Variants in GAREM1 observed in about 807,000 individuals in gnomAD.
GAREM1 encodes the protein GRB2-associated and regulator of MAPK protein 1.
GAREM1 carries 26 observed loss-of-function variants against 71.3 expected under a neutral mutation model. That is an observed-to-expected ratio of 0.36 (90% CI 0.27 to 0.51). The LOEUF is 0.51. Among genes scored for constraint, GAREM1 ranks in the 20% least tolerant of loss-of-function variants. The pLI, the probability that GAREM1 is intolerant of heterozygous loss-of-function variation, is 0.95. For synonymous variants in GAREM1, 440 were observed against 433.2 expected (o/e 1.02, Z -0.20); for missense variants, 1,026 against 1,103.1 (o/e 0.93, Z 0.99).
rs1018620473 is a variant in GAREM1, at chr18:32,447,976, C to T, written c.121+22332G>A. Among the ~76,000 whole-genome samples the T allele has an allele frequency of 1.7e-4, 26 of 152,268 alleles. 1 individual carries two copies. The highest frequency in any genetic ancestry group is 1.2e-3 in the Admixed American group (19 of 15,284). On this transcript the variant is annotated intron_variant, in intron 1 of 5. Transcript: ENST00000269209. ...ATTCAGTTGGCATTGGCTAAGTATA[C>T]TGTGAGAGAGTACTGAAGAACCTGG...
chr18:32,464,067 G>C (rs952058485), intron 1 of GAREM1, among the ~76,000 whole-genome samples: 2 of 150,100 alleles, frequency 1.3e-5, no homozygotes, highest in African/African-American at 4.9e-5. Context: ...GCAGGCAGAT[G>C]ATCATTTGAG....
chr18:32,320,978 G>C (rs2047422841), intron 2 of GAREM1, among the ~76,000 whole-genome samples: 1 of 152,078 alleles, frequency 6.6e-6, no homozygotes, highest in Non-Finnish European at 1.5e-5. Context: ...TCTTAGTCCA[G>C]AGCACTCACT....
intron 2 of GAREM1, among the ~76,000 whole-genome samples, chr18:32,325,008 A>C (rs1341884600): frequency 6.6e-6 from 1 of 152,212 alleles, no homozygotes; most frequent in Non-Finnish European, 1.5e-5. Context: ...GCTGGAGTGC[A>C]GTGGTGCGAT....
intron 1 of GAREM1, among the ~76,000 whole-genome samples, chr18:32,436,299 G>A (rs2048677638): frequency 6.6e-6 from 1 of 152,146 alleles, no homozygotes; most frequent in African/African-American, 2.4e-5. Flanking sequence ...AAGTTAAAGG[G>A]AAACAGGCAG....
intron 2 of GAREM1, among the ~76,000 whole-genome samples, chr18:32,354,141 G>A (rs560200516): frequency 6.6e-6 from 1 of 152,280 alleles, no homozygotes; most frequent in Admixed American, 6.5e-5. Context: ...ACCAGAGGTT[G>A]TGGTTTATCT....
At chr18:32,272,919 C>T (rs886229071) in intron 4 of GAREM1, among the ~76,000 whole-genome samples, 8 of 152,192 alleles carry the variant, frequency 5.3e-5, no homozygotes, top group South Asian at 4.1e-4. Flanking sequence ...ACCAGGATGC[C>T]GGAGCTCAGG....
intron 1 of GAREM1, among the ~76,000 whole-genome samples, chr18:32,407,213 A>G (rs28500590): frequency 0.13 from 20,343 of 152,182 alleles, 1,574 homozygotes; most frequent in African/African-American, 0.21. Context: ...AAACAACCAC[A>G]ATAGAGAACA....
chr18:32,379,328 T>C (rs1034266817), intron 2 of GAREM1, among the ~76,000 whole-genome samples: 1 of 151,752 alleles, frequency 6.6e-6, no homozygotes, highest in Non-Finnish European at 1.5e-5. Context: ...TCCACGGACC[T>C]GCAGCAACAA....
At chr18:32,447,941 A>G (rs1477152940) in intron 1 of GAREM1, among the ~76,000 whole-genome samples, 1 of 152,218 alleles carries the variant, frequency 6.6e-6, no homozygotes, top group Non-Finnish European at 1.5e-5. Flanking sequence ...CATGTGTGTT[A>G]TATCCAATAA....
At chr18:32,357,791 G>T (rs1002181718) in intron 2 of GAREM1, among the ~76,000 whole-genome samples, 1 of 152,130 alleles carries the variant, frequency 6.6e-6, no homozygotes, top group Non-Finnish European at 1.5e-5. Flanking sequence ...TAGCTATACA[G>T]CTATCTCTGG....
chr18:32,341,860 T>C (rs556432625), intron 2 of GAREM1, among the ~76,000 whole-genome samples: 3 of 152,038 alleles, frequency 2.0e-5, no homozygotes, highest in South Asian at 2.1e-4. Context: ...CAGATTTACA[T>C]AGAGGATAAA....
At chr18:32,391,471 A>G (rs2048197938) in intron 2 of GAREM1, among the ~76,000 whole-genome samples, 3 of 152,212 alleles carry the variant, frequency 2.0e-5, no homozygotes, top group Admixed American at 2.0e-4. Flanking sequence ...TGCGGGAAAG[A>G]CTAAAACGTA....
At chr18:32,417,093 C>T (rs942911147) in intron 1 of GAREM1, among the ~76,000 whole-genome samples, 6 of 152,070 alleles carry the variant, frequency 3.9e-5, no homozygotes, top group African/African-American at 1.4e-4. Flanking sequence ...AGAAGATATA[C>T]AAATGGCAAA....
chr18:32,456,981 G>A (rs1179089947), intron 1 of GAREM1, among the ~76,000 whole-genome samples: 2 of 151,988 alleles, frequency 1.3e-5, no homozygotes, highest in East Asian at 1.9e-4. Flanking sequence ...GCATGTCTCT[G>A]TATGTATATG....
At chr18:32,408,687 C>T (rs16963340) in intron 1 of GAREM1, among the ~76,000 whole-genome samples, 1,711 of 152,246 alleles carry the variant, frequency 0.011, 26 homozygotes, top group African/African-American at 0.039. Flanking sequence ...TACCTCAGGC[C>T]TTAAACATGC....
At position 32,392,771 on chromosome 18, in the gene GAREM1, C is replaced by T. The variant is rs2048215084; in HGVS notation, c.262+124G>A. 5.8e-6 allele frequency: 6 copies of T among 1,030,320 alleles called. No individual in the cohort carries two copies. The South Asian group carries it at 5.9e-5, about 10-fold the overall frequency. The allele number at this position is 1,030,320 out of a possible 1,614,324, so 63.8% of individuals were successfully genotyped here. On this transcript the variant is annotated intron_variant, in intron 2 of 5. Transcript: ENST00000269209. ...GAGCTTTCACTGATCAATAACCACA[C>T]ACAAATGTTTGATTCTCTAAGTCAT...
At chr18:32,414,921 T>C (rs1568002378) in intron 1 of GAREM1, among the ~76,000 whole-genome samples, 2 of 151,820 alleles carry the variant, frequency 1.3e-5, no homozygotes, top group African/African-American at 2.4e-5. Context: ...AAACGAAAAG[T>C]TGGCTTTTTG....
Position 32,288,308 on chromosome 18 carries a change from C to T in GAREM1, c.394-105G>A, listed in dbSNP as rs141933329. ...AATACACACACAGAGGAAAATGCTG[C>T]GCTTTTCTTTAATACTAAATTTAGA... On this transcript the variant is annotated intron_variant, in intron 3 of 5. Transcript: ENST00000269209. 1.6e-4 allele frequency: 141 copies of T among 869,294 alleles called. No individual in the cohort carries two copies. In the African/African-American group the frequency reaches 1.9e-3, roughly 12 times the overall value. The allele number at this position is 869,294 out of a possible 1,614,324, so 53.8% of individuals were successfully genotyped here.
intron 1 of GAREM1, among the ~76,000 whole-genome samples, chr18:32,395,331 G>A (rs190749762): frequency 6.6e-6 from 1 of 152,334 alleles, no homozygotes; most frequent in African/African-American, 2.4e-5. Flanking sequence ...GCATACGGGT[G>A]AACAAACCCA....
Sources: allele counts gnomAD v4.1 joint callset (sites outside exome capture counted in the v4.1 genomes callset), GRCh38; gene constraint gnomAD v4.1.1; transcripts MANE v1.5; gene names NCBI Gene and HGNC (gene_info 2026-07-23, HGNC 2026-07-21).